Variants in DYNC2H1 observed in about 807,000 individuals in gnomAD.
DYNC2H1 encodes dynein cytoplasmic 2 heavy chain 1.
A neutral mutation model predicts 570.0 loss-of-function variants in DYNC2H1; 410 were observed. The ratio of observed to expected loss-of-function variants is 0.72; its 90% CI spans 0.66 to 0.78. The LOEUF is 0.78. Among genes scored for constraint, DYNC2H1 ranks in the 30% least tolerant of loss-of-function variants. The pLI, the probability that DYNC2H1 is intolerant of heterozygous loss-of-function variation, is 0.00. For missense variants in DYNC2H1, 4,865 were observed against 5,046.4 expected (o/e 0.96, Z 1.09); for synonymous variants, 1,688 against 1,677.6 (o/e 1.01, Z -0.15).
chr11:103,342,975 T>A (rs1939544170), intron 82 of DYNC2H1, among the ~76,000 whole-genome samples: 1 of 152,028 alleles, frequency 6.6e-6, no homozygotes, highest in Non-Finnish European at 1.5e-5. Context: ...TCCTTAGAAT[T>A]TGGGGGCTAA....
intron 74 of DYNC2H1, among the ~76,000 whole-genome samples, 186 bp downstream of exon 74, chr11:103,286,572 T>C (rs1241307448): frequency 6.6e-6 from 1 of 152,198 alleles, no homozygotes; most frequent in East Asian, 1.9e-4. Context: ...GGGTCTGGTT[T>C]CTCTCTCACT....
intron 83 of DYNC2H1, among the ~76,000 whole-genome samples, chr11:103,365,189 C>T (rs1297147496): frequency 2.0e-5 from 3 of 152,000 alleles, no homozygotes; most frequent in Admixed American, 1.3e-4. Flanking sequence ...TGGAGAAACC[C>T]TGTCTCTACT....
chr11:103,420,765 A>G (rs916226177), intron 84 of DYNC2H1, among the ~76,000 whole-genome samples: 3 of 152,202 alleles, frequency 2.0e-5, no homozygotes, highest in Admixed American at 6.5e-5. Flanking sequence ...ACCAGCCACT[A>G]CAAAAACACA....
At chr11:103,220,852 A>G (rs1438500890) in intron 57 of DYNC2H1, 69 bp downstream of exon 57, 1 of 1,427,998 alleles carries the variant, frequency 7.0e-7, no homozygotes, top group Non-Finnish European at 9.5e-7. Context: ...AGTTTTAAAT[A>G]TTTCTTATAT....
At chr11:103,372,239 G>A (rs35828353) in intron 83 of DYNC2H1, among the ~76,000 whole-genome samples, 7,851 of 151,620 alleles carry the variant, frequency 0.052, 384 homozygotes, top group East Asian at 0.19. Flanking sequence ...GGCTGGTCTC[G>A]AACTCCTGAG....
chr11:103,375,567 C>A (rs1258081391), intron 83 of DYNC2H1, among the ~76,000 whole-genome samples: 1 of 152,230 alleles, frequency 6.6e-6, no homozygotes, highest in Non-Finnish European at 1.5e-5. Context: ...GGGAGCCTGT[C>A]TCTTGCATCA....
In DYNC2H1 at chr11:103,249,772, A is replaced by G. The variant is rs942950664; in HGVS notation, c.10043-3513A>G. 1.4e-4 allele frequency among the ~76,000 whole-genome samples: 22 copies of G among 152,072 alleles called. No homozygotes were observed. The East Asian group carries it at 4.1e-3, about 28-fold the overall frequency. ...GGAACACTTTCCATAACACAAAAAT[A>G]ACCAAACATTCTCTTCTCCCAGTTA... is the stretch of plus-strand genomic sequence containing the variant. On this transcript the variant is annotated intron_variant, in intron 65 of 88. Transcript: ENST00000375735. This position sits in a 1 kb window ranked among gnomAD's most constrained non-coding sequence, Gnocchi z 4.6.
At chr11:103,330,555 ATAAC>A (rs1326701792) in intron 82 of DYNC2H1, among the ~76,000 whole-genome samples, 2 of 43,172 alleles carry the variant, frequency 4.6e-5, no homozygotes, top group Non-Finnish European at 1.6e-4. Context: ...AATTTTTTAA[ATAAC>A]TAAAGCTCTA....
intron 70 of DYNC2H1, among the ~76,000 whole-genome samples, chr11:103,276,416 A>G (rs1240259766): frequency 2.0e-5 from 3 of 152,130 alleles, no homozygotes; most frequent in African/African-American, 4.8e-5. Flanking sequence ...AAGTATTACA[A>G]TATGGGAAAA....
chr11:103,168,789 A>G lies in DYNC2H1; in HGVS notation c.4797A>G (p.Leu1599=). 6.2e-7 allele frequency: 1 copy of G among 1,613,170 alleles called. No homozygotes were observed. Among genetic ancestry groups the G allele is most frequent in the Non-Finnish European group, 8.5e-7 (1 of 1,179,486 alleles). The change falls in exon 32 of 89, where the codon CTA becomes CTG. Residue 1599 remains leucine, a synonymous_variant. Coordinates refer to ENST00000375735, the MANE Select transcript of DYNC2H1 (RefSeq NM_001377.3). ...SGILELKLKA[L]ILDIIHNIDV... ...TCCTGGAGCTTAAACTTAAAGCCCT[A>G]ATTCTTGACATTATCCATAATATTG...
At chr11:103,464,262 CAG>C (rs1462185449) in intron 87 of DYNC2H1, among the ~76,000 whole-genome samples, 2 of 151,962 alleles carry the variant, frequency 1.3e-5, no homozygotes, top group Non-Finnish European at 2.9e-5. Context: ...AAAGTAATGT[CAG>C]AAATGAAAAA....
At position 103,249,161 on chromosome 11, in the gene DYNC2H1, A is replaced by G. The variant is rs1224931424; in HGVS notation, c.10042+3787A>G. Reference sequence around the variant, plus strand: ...TATAGTTCTACATTTGATATTTTCTATGAATAAGAGATGAGACAACACTGA... The same window carrying G: ...TATAGTTCTACATTTGATATTTTCTGTGAATAAGAGATGAGACAACACTGA... On this transcript the variant is annotated intron_variant, in intron 65 of 88. Transcript: ENST00000375735. The surrounding 1 kb of genome is among the most constrained non-coding windows in gnomAD (Gnocchi z 4.6). 3.3e-5 allele frequency among the ~76,000 whole-genome samples: 5 copies of G among 152,012 alleles called. No homozygotes were observed. The highest frequency in any genetic ancestry group is 1.9e-4 in the East Asian group (1 of 5,196).
chr11:103,290,901 A>G (rs1224809904), intron 75 of DYNC2H1, among the ~76,000 whole-genome samples: 7 of 152,184 alleles, frequency 4.6e-5, no homozygotes, highest in Non-Finnish European at 8.8e-5. Flanking sequence ...CTTCACCATC[A>G]AAAATCCTAG....
intron 83 of DYNC2H1, among the ~76,000 whole-genome samples, chr11:103,380,053 T>G (rs2038586362): frequency 6.6e-6 from 1 of 152,228 alleles, no homozygotes; most frequent in South Asian, 2.1e-4. Context: ...TTTATCAGGT[T>G]ATAGTTAATT....
At position 103,448,198 on chromosome 11, in the gene DYNC2H1, G is replaced by T. The variant is rs189247634; in HGVS notation, c.12457-6988G>T. On this transcript the variant is annotated intron_variant, in intron 85 of 88. Transcript: ENST00000375735. ...AAGGATAATAGTAAGCAAATCGGGG[G>T]AGGTTGGGGAGGAGCTTACTACATT... is the stretch of plus-strand genomic sequence containing the variant. 1.5e-3 allele frequency among the ~76,000 whole-genome samples: 224 copies of T among 152,226 alleles called. 1 individual carries two copies. The highest frequency in any genetic ancestry group is 5.2e-3 in the African/African-American group (215 of 41,548).
At chr11:103,250,836 G>T (rs1591474730) in intron 65 of DYNC2H1, among the ~76,000 whole-genome samples, 1 of 151,834 alleles carries the variant, frequency 6.6e-6, no homozygotes, top group African/African-American at 2.4e-5. Flanking sequence ...GGTGGTTGGA[G>T]ATTTTCTAGT....
At chr11:103,168,580 C>G (rs1447270008) in intron 31 of DYNC2H1, among the ~76,000 whole-genome samples, 175 bp from the exon 32 acceptor site, 2 of 152,118 alleles carry the variant, frequency 1.3e-5, no homozygotes, top group African/African-American at 2.4e-5. Context: ...TTATTTTTTA[C>G]TTACTGGTAG....
chr11:103,155,196 A>T, intron 24 of DYNC2H1, 135 bp from the exon 25 acceptor site: 1 of 837,626 alleles, frequency 1.2e-6, no homozygotes, highest in Non-Finnish European at 1.8e-6. Flanking sequence ...ATATGATTTT[A>T]AGATTATTAA....
Position 103,327,094 on chromosome 11 carries a change from G to C in DYNC2H1, c.12039+3104G>C, listed in dbSNP as rs116872003. On this transcript the variant is annotated intron_variant, in intron 82 of 88. Coordinates refer to ENST00000375735, the MANE Select transcript of DYNC2H1 (RefSeq NM_001377.3). ...GTTGCTTGGGGCCGGGAACAGCCCC[G>C]AGCATTATGTTAAGGCACACAGGGT... Among the ~76,000 whole-genome samples, 546 of 152,162 alleles carry C rather than the reference G, an allele frequency of 3.6e-3. 4 individuals carry two copies. Among genetic ancestry groups the C allele is most frequent in the Non-Finnish European group, 5.3e-3 (362 of 68,002 alleles).
Sources: gnomAD v4.1 joint callset for allele counts (sites outside exome capture counted in the v4.1 genomes callset) on GRCh38, gnomAD v4.1.1 for gene constraint, Gnocchi (gnomAD v3.1) non-coding constraint, MANE v1.5 for transcripts, NCBI Gene and HGNC (gene_info 2026-07-23, HGNC 2026-07-21) for gene names.